The following FILIP1 variants were observed in gnomAD, a reference collection of about 807,000 sequenced individuals.
FILIP1 encodes the protein filamin A interacting protein 1.
Under a neutral mutation model 102.1 loss-of-function variants are expected in FILIP1, and 61 were observed. That is an observed-to-expected ratio of 0.60 (90% CI 0.49 to 0.74). FILIP1 has a LOEUF of 0.74. Ranked by LOEUF, FILIP1 falls within the 30% of genes least tolerant of loss-of-function variation. The probability of loss-of-function intolerance (pLI) is 0.00; values close to 1 mark genes in which losing one functional copy is unlikely to be tolerated. For synonymous variants in FILIP1, 491 were observed against 526.9 expected (o/e 0.93, Z 0.93); for missense variants, 1,314 against 1,441.2 (o/e 0.91, Z 1.43).
Position 75,362,662 on chromosome 6 carries a change from T to C in FILIP1, c.450+82A>G, listed in dbSNP as rs111868016. 19 of 1,420,732 alleles carry C rather than the reference T, an allele frequency of 1.3e-5. No homozygotes were observed. The African/African-American group carries it at 2.0e-4, about 15-fold the overall frequency. The allele number at this position is 1,420,732 out of a possible 1,614,324, so 88.0% of individuals were successfully genotyped here. The stretch of plus-strand genomic sequence containing the variant: ...TCAAAATTTTGCCTTTGAAAGAAAA[T>C]GTTAAAGCATGTAAATGGAAGAATG... On this transcript the variant is annotated intron_variant, in intron 3 of 5. Coordinates refer to ENST00000237172, the MANE Select transcript of FILIP1 (RefSeq NM_015687.5).
Sources: gnomAD v4.1 joint callset for allele counts on GRCh38, gnomAD v4.1.1 for gene constraint, MANE v1.5 for transcripts, NCBI Gene and HGNC (gene_info 2026-07-23, HGNC 2026-07-21) for gene names.